PPM1D: variants seen among roughly 807,000 people sequenced by gnomAD.
PPM1D encodes the protein protein phosphatase 1D.
In PPM1D, 52 loss-of-function variants were observed where a neutral mutation model predicts 58.3. The observed-to-expected ratio is 0.89, with a 90% confidence interval of 0.71 to 1.12. PPM1D has a LOEUF of 1.12. Ranked by LOEUF, PPM1D falls within the 50% of genes most tolerant of loss-of-function variation. The pLI is 0.00. For synonymous variants in PPM1D, 278 were observed against 285.1 expected, an observed-to-expected ratio of 0.98 and a Z score of 0.25; for missense variants, 564 against 777.2, an observed-to-expected ratio of 0.73 and a Z score of 3.26.
At chr17:60,628,092 C>T (rs2030847094) in intron 2 of PPM1D, among the ~76,000 whole-genome samples, 1 of 152,126 alleles carries the variant, frequency 6.6e-6, no homozygotes. Flanking sequence ...AGGCGATCCA[C>T]CTGCCTTGGC....
intron 1 of PPM1D, among the ~76,000 whole-genome samples, chr17:60,614,002 G>GCCCAAGGGCTGAGGAGTGCGGA (rs2030524414): frequency 6.6e-6 from 1 of 152,152 alleles, no homozygotes; most frequent in Non-Finnish European, 1.5e-5. Flanking sequence ...AGGAGTGCGG[G>GCCCAAGGGCTGAGGAGTGCGGA]CCCAAGGGCT....
At chr17:60,633,403 C>T (rs748190279) in intron 2 of PPM1D, among the ~76,000 whole-genome samples, 62 of 151,668 alleles carry the variant, frequency 4.1e-4, no homozygotes, top group Admixed American at 4.6e-4. Context: ...CAATTTAATG[C>T]CTATTTATTT....
At chr17:60,605,013 G>T (rs982875611) in intron 1 of PPM1D, among the ~76,000 whole-genome samples, 40 of 152,120 alleles carry the variant, frequency 2.6e-4, no homozygotes, top group African/African-American at 9.2e-4. Flanking sequence ...GCAGAGATGG[G>T]GTTTCGCCAT....
Position 60,663,263 on chromosome 17 carries a change from A to G in PPM1D, c.1529A>G (p.Gln510Arg). 1.9e-6 allele frequency: 3 copies of G among 1,614,030 alleles called. No homozygotes were observed. In the East Asian group the frequency reaches 6.7e-5, roughly 36 times the overall value. Residue 510 changes from glutamine to arginine, a missense_variant, in exon 6 of 6, where the codon CAA becomes CGA. By Grantham distance (43) the Gln-to-Arg change is conservative. Transcript: ENST00000305921. ...AATTCAACAAACACTGTCATGGACC[A>G]AAAAAATTTGAAGATGTCAACTCCT... ...PTNSTNTVMD[Q>R]KNLKMSTPGQ... is the part of the protein sequence containing the mutation.
At chr17:60,638,263 CATAA>C (rs552356412) in intron 3 of PPM1D, among the ~76,000 whole-genome samples, 11 of 152,184 alleles carry the variant, frequency 7.2e-5, no homozygotes, top group African/African-American at 1.9e-4. Context: ...TCTCTTGTCA[CATAA>C]ATATTTTCTT....
chr17:60,612,007 T>C (rs1307546189), intron 1 of PPM1D, among the ~76,000 whole-genome samples: 1 of 151,426 alleles, frequency 6.6e-6, no homozygotes, highest in African/African-American at 2.4e-5. Context: ...ATGTAGCCAC[T>C]GACTACATGT....
intron 4 of PPM1D, among the ~76,000 whole-genome samples, chr17:60,653,955 G>T (rs753592474): frequency 5.3e-5 from 8 of 152,100 alleles, no homozygotes; most frequent in Non-Finnish European, 1.2e-4. Flanking sequence ...GTAGGTATGA[G>T]ATCATGTTAC....
At chr17:60,651,406 T>G (rs140691770) in intron 4 of PPM1D, among the ~76,000 whole-genome samples, 108 of 151,892 alleles carry the variant, frequency 7.1e-4, no homozygotes, top group African/African-American at 2.4e-3. Flanking sequence ...TTTTGGTTTT[T>G]TTTTTTTTTT....
rs912582177 is a variant in PPM1D at position 60,645,454 on chromosome 17, A to G, written c.827-2438A>G. Among the ~76,000 whole-genome samples the G allele has an allele frequency of 7.0e-3, 723 of 103,200 alleles. 38 individuals are homozygous for G. The Admixed American group carries it at 0.073, about 10-fold the overall frequency. The allele number at this position is 103,200 out of a possible 152,430, so 67.7% of individuals were successfully genotyped here. A position where few individuals can be genotyped will look rare whatever the true frequency, so the allele number is the denominator to read the frequency against. On this transcript the variant is annotated intron_variant, in intron 3 of 5. Transcript: ENST00000305921. ...GTTTCACCAAAGCAATGTAAAATAT[A>G]TATGTGTGTGTGTGTGTGTGTGTGT...
intron 4 of PPM1D, among the ~76,000 whole-genome samples, chr17:60,648,905 A>G (rs1195722761): frequency 3.3e-5 from 5 of 151,506 alleles, no homozygotes; most frequent in South Asian, 4.2e-4. Context: ...CTGGGATTAC[A>G]GGTGTGTGCC....
chr17:60,630,039 C>CAA, intron 2 of PPM1D, among the ~76,000 whole-genome samples: 1 of 149,028 alleles, frequency 6.7e-6, no homozygotes, highest in African/African-American at 2.6e-5. Context: ...AAAACTGTCT[C>CAA]AAAAAAAATA....
intron 3 of PPM1D, among the ~76,000 whole-genome samples, chr17:60,645,612 GTA>G (rs369188839): frequency 0.018 from 2,281 of 130,174 alleles, 49 homozygotes; most frequent in African/African-American, 0.068. Context: ...ATATATGTGT[GTA>G]TATATATATG....
chr17:60,620,770 A>C (rs966171747), intron 1 of PPM1D, among the ~76,000 whole-genome samples: 2 of 152,134 alleles, frequency 1.3e-5, no homozygotes, highest in African/African-American at 4.8e-5. Context: ...GGCTTTCCAA[A>C]GTGCTGGGAT....
At position 60,665,965 on chromosome 17, in the gene PPM1D, A is replaced by G. The variant is rs906602080; in HGVS notation, c.*2413A>G. The stretch of plus-strand genomic sequence containing the variant: ...ACCTAGCCTCTGAAAGTGTCATACC[A>G]ATTCTGTATTTTGTTGGTCACACAG... On this transcript the variant is annotated 3_prime_UTR_variant, in exon 6 of 6. Transcript: ENST00000305921. 5 of 152,166 alleles carry G rather than the reference A, an allele frequency of 3.3e-5. No homozygotes were observed. The highest frequency in any genetic ancestry group is 1.2e-4 in the African/African-American group (5 of 41,450). 9.4% of individuals were successfully genotyped at this position (152,166 alleles called of 1,614,324 possible).
rs577812498 is a variant in PPM1D at position 60,632,430 on chromosome 17, G to A, written c.702-1423G>A. 1.2e-4 allele frequency among the ~76,000 whole-genome samples: 18 copies of A among 152,266 alleles called. No individual in the cohort carries two copies. In the East Asian group the frequency reaches 3.5e-3, roughly 29 times the overall value. On this transcript the variant is annotated intron_variant, in intron 2 of 5. Coordinates refer to ENST00000305921, the MANE Select transcript of PPM1D (RefSeq NM_003620.4). ...CTGCCAACAATTAGCTGGGCATGGT[G>A]GCACATGCCTGTATTCTCAGCTACT...
chr17:60,612,133 C>T (rs960624473), intron 1 of PPM1D, among the ~76,000 whole-genome samples: 5 of 152,100 alleles, frequency 3.3e-5, no homozygotes, highest in Non-Finnish European at 5.9e-5. Flanking sequence ...GACATATGCG[C>T]ATGTCAAGCC....
intron 3 of PPM1D, 112 bp from the exon 4 acceptor site, chr17:60,647,780 G>A: frequency 9.6e-7 from 1 of 1,041,412 alleles, no homozygotes; most frequent in Non-Finnish European, 1.4e-6. Context: ...GTTATCAAAT[G>A]CTTTTCTGCG....
At chr17:60,659,126 C>T (rs531237787) in intron 5 of PPM1D, among the ~76,000 whole-genome samples, 1 of 152,278 alleles carries the variant, frequency 6.6e-6, no homozygotes, top group Non-Finnish European at 1.5e-5. Flanking sequence ...GTATTGTTGG[C>T]TCTGATCTAA....
chr17:60,629,347 G>C (rs987580277), intron 2 of PPM1D, among the ~76,000 whole-genome samples: 1 of 152,192 alleles, frequency 6.6e-6, no homozygotes, highest in African/African-American at 2.4e-5. Flanking sequence ...GCTAGACCCT[G>C]TCGTCTTGCT....
Sources: allele counts gnomAD v4.1 joint callset (sites outside exome capture counted in the v4.1 genomes callset), GRCh38; gene constraint gnomAD v4.1.1; transcripts MANE v1.5; gene names NCBI Gene and HGNC (gene_info 2026-07-23, HGNC 2026-07-21).